The following RIMS1 variants were observed in gnomAD, a reference collection of about 807,000 sequenced individuals.
The protein encoded by RIMS1 is regulating synaptic membrane exocytosis 1.
RIMS1 carries 83 observed loss-of-function variants against 214.1 expected under a neutral mutation model. The ratio of observed to expected loss-of-function variants is 0.39; its 90% CI spans 0.32 to 0.47. RIMS1 has a LOEUF of 0.47. RIMS1 is among the 20% of genes least tolerant of loss of function. RIMS1 has a pLI of 0.99. For synonymous variants in RIMS1, 793 were observed against 786.8 expected, an observed-to-expected ratio of 1.01 and a Z score of -0.13; for missense variants, 2,050 against 2,161.8, an observed-to-expected ratio of 0.95 and a Z score of 1.03.
In RIMS1 at chr6:72,281,576, C is replaced by T. The variant is rs536837554; in HGVS notation, c.3483-2471C>T. Among the ~76,000 whole-genome samples the T allele has an allele frequency of 1.1e-4, 16 of 152,162 alleles. No individual in the cohort carries two copies. In the South Asian group the frequency reaches 3.3e-3, roughly 32 times the overall value. ...TGCAGAAGTTTTATTCAAGGGTCCACCAGATTCTACACAATTTCTCTGCCT... is the reference window on the plus strand; with the variant it reads ...TGCAGAAGTTTTATTCAAGGGTCCATCAGATTCTACACAATTTCTCTGCCT... On this transcript the variant is annotated intron_variant, in intron 23 of 33. Transcript: ENST00000521978.
chr6:72,215,991 G>A (rs1481240640), intron 6 of RIMS1, among the ~76,000 whole-genome samples: 1 of 151,958 alleles, frequency 6.6e-6, no homozygotes, highest in East Asian at 1.9e-4. Context: ...TCCTCATTTG[G>A]CCATTTCATT....
At chr6:71,912,023 A>T (rs1777075722) in intron 1 of RIMS1, among the ~76,000 whole-genome samples, 1 of 152,094 alleles carries the variant, frequency 6.6e-6, no homozygotes, top group Non-Finnish European at 1.5e-5. Flanking sequence ...AATGTTCTGA[A>T]ATTTTTACTG....
chr6:72,178,207 T>G (rs979391327), intron 4 of RIMS1, among the ~76,000 whole-genome samples: 2 of 152,202 alleles, frequency 1.3e-5, no homozygotes, highest in African/African-American at 4.8e-5. Context: ...TCCTATATTA[T>G]AATTCATTTG....
chr6:72,336,765 T>A (rs1233647523), intron 29 of RIMS1, among the ~76,000 whole-genome samples: 3 of 151,854 alleles, frequency 2.0e-5, no homozygotes, highest in African/African-American at 7.2e-5. Context: ...CAAATGTTGA[T>A]AACCCTCAAT....
intron 1 of RIMS1, among the ~76,000 whole-genome samples, chr6:71,966,502 G>T (rs1794475702): frequency 6.6e-6 from 1 of 151,968 alleles, no homozygotes; most frequent in South Asian, 2.1e-4. Context: ...CAAAGATAGG[G>T]CCCTTTTTAA....
chr6:72,243,163 A>T (rs1433714334), intron 10 of RIMS1, among the ~76,000 whole-genome samples: 3 of 151,752 alleles, frequency 2.0e-5, no homozygotes, highest in Non-Finnish European at 4.4e-5. Context: ...TAATGTTTGA[A>T]TGTGTTCTTG....
intron 6 of RIMS1, chr6:72,213,363 T>C: frequency 1.4e-6 from 1 of 737,150 alleles, no homozygotes; most frequent in Non-Finnish European, 2.0e-6. Flanking sequence ...CTTAATTGAA[T>C]AAAGTTTCCA....
At chr6:72,279,230 G>T (rs551938123) in intron 23 of RIMS1, among the ~76,000 whole-genome samples, 1 of 151,854 alleles carries the variant, frequency 6.6e-6, no homozygotes. Flanking sequence ...AATTACCTCT[G>T]TTTTTCATCA....
chr6:72,244,993 T>C (rs1007255520), intron 10 of RIMS1, among the ~76,000 whole-genome samples: 1 of 151,984 alleles, frequency 6.6e-6, no homozygotes, highest in African/African-American at 2.4e-5. Flanking sequence ...TAAATTGATA[T>C]TAAAACGTCT....
At chr6:72,101,678 T>G (rs1379744064) in intron 4 of RIMS1, among the ~76,000 whole-genome samples, 3 of 151,960 alleles carry the variant, frequency 2.0e-5, no homozygotes, top group Admixed American at 1.3e-4. Flanking sequence ...TAATACATTC[T>G]ACTTGATCTG....
Position 72,402,423 on chromosome 6 carries a change from A to T in RIMS1, c.*1709A>T, listed in dbSNP as rs1456087708. The T allele has an allele frequency of 6.6e-6, 1 of 152,590 alleles. No individual in the cohort carries two copies. Among genetic ancestry groups the T allele is most frequent in the African/African-American group, 2.4e-5 (1 of 41,438 alleles). The allele number at this position is 152,590 out of a possible 1,614,324, so 9.5% of individuals were successfully genotyped here. On this transcript the variant is annotated 3_prime_UTR_variant, in exon 34 of 34. Coordinates refer to ENST00000521978, the MANE Select transcript of RIMS1 (RefSeq NM_014989.7). ...GAAAACGTGATGTAGTACGGACCAA[A>T]TTCCTTCTAATAAATATTTTGGTGT...
At chr6:72,320,245 A>G (rs2096073648) in intron 28 of RIMS1, among the ~76,000 whole-genome samples, 1 of 152,130 alleles carries the variant, frequency 6.6e-6, no homozygotes, top group Non-Finnish European at 1.5e-5. Flanking sequence ...GAATTGCCTG[A>G]TAGACAGGAG....
At chr6:72,116,265 C>A (rs2037050555) in intron 4 of RIMS1, among the ~76,000 whole-genome samples, 1 of 151,840 alleles carries the variant, frequency 6.6e-6, no homozygotes, top group Non-Finnish European at 1.5e-5. Flanking sequence ...CCATGGTGAG[C>A]TTTATTAGGT....
intron 1 of RIMS1, among the ~76,000 whole-genome samples, chr6:71,967,611 GA>G (rs1794807379): frequency 6.6e-6 from 1 of 152,112 alleles, no homozygotes; most frequent in South Asian, 2.1e-4. Flanking sequence ...CCACACCGGG[GA>G]AAGAACACAA....
In RIMS1 at chr6:71,979,647, A is replaced by G. The variant is rs575732869; in HGVS notation, c.245+10584A>G. 5.6e-4 allele frequency among the ~76,000 whole-genome samples: 85 copies of G among 152,252 alleles called. 2 individuals carry two copies. The highest frequency in any genetic ancestry group is 2.0e-3 in the African/African-American group (84 of 41,580). The stretch of plus-strand genomic sequence containing the variant: ...TTTTTTTGGTCAATCCTCTCAAAAC[A>G]TAGACTGTATCTTTATCTCTGTATG... On this transcript the variant is annotated intron_variant, in intron 2 of 33. Coordinates refer to ENST00000521978, the MANE Select transcript of RIMS1 (RefSeq NM_014989.7).
intron 2 of RIMS1, among the ~76,000 whole-genome samples, chr6:72,043,556 CT>C (rs1822070895): frequency 6.6e-6 from 1 of 151,598 alleles, no homozygotes; most frequent in Non-Finnish European, 1.5e-5. Flanking sequence ...AGGATATGTT[CT>C]GTTGAGAACA....
At chr6:72,394,499 A>C (rs2154446080) in intron 31 of RIMS1, among the ~76,000 whole-genome samples, 1 of 152,254 alleles carries the variant, frequency 6.6e-6, no homozygotes, top group Admixed American at 6.5e-5. Context: ...ATTGAAGTCA[A>C]TAATAATATC....
chr6:72,076,969 A>C (rs1832049819), intron 2 of RIMS1, among the ~76,000 whole-genome samples: 1 of 152,142 alleles, frequency 6.6e-6, no homozygotes, highest in Non-Finnish European at 1.5e-5. Flanking sequence ...AGAAAATAAA[A>C]AATTCCCTCC....
At chr6:72,174,689 T>C (rs2047475095) in intron 4 of RIMS1, among the ~76,000 whole-genome samples, 1 of 152,130 alleles carries the variant, frequency 6.6e-6, no homozygotes, top group Non-Finnish European at 1.5e-5. Flanking sequence ...TAGAATCACA[T>C]AGAAATACTT....
Sources: gnomAD v4.1 joint callset for allele counts (sites outside exome capture counted in the v4.1 genomes callset) on GRCh38, gnomAD v4.1.1 for gene constraint, MANE v1.5 for transcripts, NCBI Gene and HGNC (gene_info 2026-07-23, HGNC 2026-07-21) for gene names.